FMR1: variants seen among roughly 807,000 people sequenced by gnomAD.
FMR1 encodes the protein fragile X messenger ribonucleoprotein 1.
A neutral mutation model predicts 50.6 loss-of-function variants in FMR1; 13 were observed. The ratio of observed to expected loss-of-function variants is 0.26; its 90% confidence interval spans 0.17 to 0.41. FMR1 has a LOEUF of 0.41. Among genes scored for constraint, FMR1 ranks in the 10% least tolerant of loss-of-function variants. FMR1 has a pLI of 1.00. For missense variants in FMR1, 316 were observed against 491.3 expected, an observed-to-expected ratio of 0.64 and a Z score of 3.37; for synonymous variants, 138 against 164.1, an observed-to-expected ratio of 0.84 and a Z score of 1.22.
At position 147,929,652 on chromosome X, in the gene FMR1, G is replaced by T. The variant is rs936242080; in HGVS notation, c.420-296G>T. On this transcript the variant is annotated intron_variant, in intron 5 of 16. Coordinates refer to ENST00000370475, the MANE Select transcript of FMR1 (RefSeq NM_002024.6). ...AAGAAAGAAATCAGATACCCTGTAGGTAGCTATCTCCAAAAGTTTTCAATA... is the reference window on the plus strand; with the variant it reads ...AAGAAAGAAATCAGATACCCTGTAGTTAGCTATCTCCAAAAGTTTTCAATA... 6.3e-5 allele frequency among the ~76,000 whole-genome samples: 7 copies of T among 110,862 alleles called. No individual in the cohort carries two copies. In the Admixed American group the frequency reaches 6.7e-4, roughly 11 times the overall value.
chrX:147,918,555 CTTTTTTTTTTTTT>C (rs368581020), intron 1 of FMR1, among the ~76,000 whole-genome samples: 4 of 47,277 alleles, frequency 8.5e-5, no homozygotes, highest in African/African-American at 3.2e-4. Flanking sequence ...CCTGCAAAAG[CTTTTTTTTTTTTT>C]TTTTTTTTTT....
intron 13 of FMR1, 123 bp downstream of exon 13, chrX:147,940,785 G>A: frequency 4.3e-6 from 2 of 470,501 alleles, no homozygotes; most frequent in Non-Finnish European, 7.5e-6. Flanking sequence ...ACTTGTCAAA[G>A]GTAATAGAGA....
chrX:147,934,236 A>G (rs1265469739), intron 9 of FMR1, among the ~76,000 whole-genome samples: 3 of 109,007 alleles, frequency 2.8e-5, no homozygotes, highest in Non-Finnish European at 5.7e-5. Context: ...ATGAGTAGAG[A>G]ATTATGTGTC....
intron 1 of FMR1, among the ~76,000 whole-genome samples, chrX:147,920,293 T>C (rs1212111444): frequency 8.9e-6 from 1 of 111,993 alleles, no homozygotes; most frequent in Non-Finnish European, 1.9e-5. Flanking sequence ...CATTGAATTG[T>C]CTTGGCTTCT....
intron 5 of FMR1, 152 bp from the exon 6 acceptor site, chrX:147,929,796 A>G (rs2043527167): frequency 2.2e-6 from 1 of 457,005 alleles, no homozygotes; most frequent in Admixed American, 4.0e-5. Context: ...AAATGTACAG[A>G]AAAGGAGCTA....
rs1557178397 is a variant in FMR1, at chrX:147,930,037, T to A, written c.509T>A (p.Ile170Asn). The change falls in exon 6 of 17, where the codon ATT (isoleucine) becomes AAT (asparagine). Residue 170 changes from isoleucine to asparagine, a missense_variant. Physicochemically the swap from Ile to Asn is moderately radical, Grantham distance 149. This residue lies in a region of FMR1 where 124 missense variants were observed against 238.1 expected (regional missense o/e 0.52). Transcript: ENST00000370475. ...GATCCAGAAAATTATCAGCTTGTCATTTTGGTGAGCATTTTTGAGTTGTTT... is the reference window on the plus strand; with the variant it reads ...GATCCAGAAAATTATCAGCTTGTCAATTTGGTGAGCATTTTTGAGTTGTTT... ...TYDPENYQLV[I>N]LSINEVTSKR... is the part of the protein sequence containing the mutation. The A allele has an allele frequency of 8.4e-7, 1 of 1,192,686 alleles. No homozygotes were observed. The highest frequency in any genetic ancestry group is 1.8e-5 in the South Asian group (1 of 56,557).
At position 147,943,267 on chromosome X, in the gene FMR1, G is replaced by A. The variant is rs1272102686; in HGVS notation, c.1412G>A (p.Arg471Gln). Reference protein sequence around the residue: ...YVTDDGQGMGRGSRPYRNRGH... With the variant: ...YVTDDGQGMGQGSRPYRNRGH... ...ACTGATGATGGTCAAGGAATGGGTC[G>A]AGGTAGTAGACCTTACAGAAATAGG... is the stretch of plus-strand genomic sequence containing the variant. Residue 471 changes from arginine (R) to glutamine (Q), a missense_variant, in exon 14 of 17, where the codon CGA becomes CAA. By Grantham distance (43) the Arg-to-Gln change is conservative (BLOSUM62 1). Transcript: ENST00000370475. The A allele has an allele frequency of 1.1e-5, 13 of 1,208,678 alleles. No homozygotes were observed. The highest frequency in any genetic ancestry group is 3.0e-5 in the East Asian group (1 of 33,764).
At chrX:147,922,697 A>G (rs1265400876) in intron 2 of FMR1, among the ~76,000 whole-genome samples, 3 of 110,902 alleles carry the variant, frequency 2.7e-5, no homozygotes, top group Non-Finnish European at 3.8e-5. Flanking sequence ...TGTGGCTATG[A>G]TCTTAGGATT....
At chrX:147,913,495 ATGTAT>A (rs1242740808) in intron 1 of FMR1, 2 of 112,225 alleles carry the variant, frequency 1.8e-5, no homozygotes, top group Admixed American at 9.4e-5. Context: ...CAATTCTTAA[ATGTAT>A]TGTAGAATGG....
chrX:147,936,437 G>A, intron 9 of FMR1, 67 bp from the exon 10 acceptor site: 1 of 647,477 alleles, frequency 1.5e-6, no homozygotes, highest in East Asian at 3.4e-5. Context: ...ATAGTTTACA[G>A]TAGGGCTGTG....
chrX:147,930,899 G>T (rs185366584), intron 7 of FMR1: 1 of 111,757 alleles, frequency 8.9e-6, no homozygotes, highest in Non-Finnish European at 1.9e-5. Flanking sequence ...TCATTAGAAG[G>T]AAAACACCAC....
chrX:147,930,188 C>A lies in FMR1; in HGVS notation c.574C>A (p.Leu192Met). Residue 192 changes from leucine to methionine, a missense_variant, in exon 7 of 17, where the codon CTG becomes ATG. Around this residue, in one of 4 missense-constraint regions of FMR1, gnomAD observed 124 missense variants for 238.1 expected, o/e 0.52. Transcript: ENST00000370475. The part of the protein sequence containing the change: ...HMLIDMHFRS[L>M]RTKLSLIMRN... ...GCTGATTGACATGCACTTTCGGAGT[C>A]TGCGCACTAAGTTGTCTCTGATAAT... 8.3e-7 allele frequency: 1 copy of A among 1,209,210 alleles called. No individual in the cohort carries two copies. Among genetic ancestry groups the A allele is most frequent in the Non-Finnish European group, 1.1e-6 (1 of 893,269 alleles).
intron 1 of FMR1, among the ~76,000 whole-genome samples, chrX:147,918,567 T>TC (rs1484307373): frequency 1.1e-5 from 1 of 92,835 alleles, no homozygotes; most frequent in Non-Finnish European, 2.1e-5. Flanking sequence ...TTTTTTTTTT[T>TC]TTTTTTTTTT....
chrX:147,924,524 T>TC lies in FMR1; in HGVS notation c.105-1016_105-1015insC, dbSNP rs2043316828. Among the ~76,000 whole-genome samples, 13 of 103,645 alleles carry TC rather than the reference T, an allele frequency of 1.3e-4. No homozygotes were observed. The South Asian group carries it at 1.3e-3, about 11-fold the overall frequency. 90.0% of individuals were successfully genotyped at this position (103,645 alleles called of 115,157 possible). A position where few individuals can be genotyped will look rare whatever the true frequency, so the allele number is the denominator to read the frequency against. On this transcript the variant is annotated intron_variant, in intron 2 of 16. Coordinates refer to ENST00000370475, the MANE Select transcript of FMR1 (RefSeq NM_002024.6). ...GTCTATATATATATATATTTTTTTT[T>TC]TTTTAAAGACAGGATCTCACTCTGT...
intron 1 of FMR1, chrX:147,913,149 A>G (rs1250430224): frequency 2.5e-5 from 3 of 117,966 alleles, no homozygotes; most frequent in African/African-American, 9.7e-5. Flanking sequence ...TTGTGCCCCT[A>G]AGAACTTGAC....
At chrX:147,931,906 A>C (rs1383692356) in intron 7 of FMR1, among the ~76,000 whole-genome samples, 1 of 112,102 alleles carries the variant, frequency 8.9e-6, no homozygotes, top group Non-Finnish European at 1.9e-5. Flanking sequence ...TCATTTCAAC[A>C]GAGGAATGTT....
chrX:147,929,145 T>C (rs1165265790), intron 5 of FMR1, among the ~76,000 whole-genome samples: 2 of 112,111 alleles, frequency 1.8e-5, no homozygotes, highest in African/African-American at 6.5e-5. Context: ...AGTCACAAAC[T>C]ATAAACGATT....
chrX:147,913,544 A>G lies in FMR1; in HGVS notation c.51+1314A>G, dbSNP rs1409597039. The stretch of plus-strand genomic sequence containing the variant: ...TTTCAGACAGGACACGTTTGGCTAT[A>G]GGAAAATAAACAATTGACTTTATTC... On this transcript the variant is annotated intron_variant, in intron 1 of 16. Coordinates refer to ENST00000370475, the MANE Select transcript of FMR1 (RefSeq NM_002024.6). The G allele has an allele frequency of 3.6e-5, 4 of 112,368 alleles. No homozygotes were observed. In the Admixed American group the frequency reaches 3.8e-4, roughly 11 times the overall value. 9.3% of individuals were successfully genotyped at this position (112,368 alleles called of 1,213,427 possible).
At position 147,937,245 on chromosome X, in the gene FMR1, A is replaced by G. The variant is rs781903112; in HGVS notation, c.991-221A>G. On this transcript the variant is annotated intron_variant, in intron 10 of 16. Coordinates refer to ENST00000370475, the MANE Select transcript of FMR1 (RefSeq NM_002024.6). ...AGATACTGTCTCATCAAAGAGCCGTAATTTTCACATATTGTCTAGCTTTCT... is the reference window on the plus strand; with the variant it reads ...AGATACTGTCTCATCAAAGAGCCGTGATTTTCACATATTGTCTAGCTTTCT... Among the ~76,000 whole-genome samples the G allele has an allele frequency of 1.6e-4, 18 of 111,997 alleles. No homozygotes were observed. In the South Asian group the frequency reaches 5.8e-3, roughly 36 times the overall value.
Sources: allele counts gnomAD v4.1 joint callset (sites outside exome capture counted in the v4.1 genomes callset), GRCh38; gene constraint gnomAD v4.1.1; regional missense constraint gnomAD v4.1.1; transcripts MANE v1.5; gene names NCBI Gene and HGNC (gene_info 2026-07-23, HGNC 2026-07-21).